VPS16: variants seen among roughly 807,000 people sequenced by gnomAD.
VPS16 encodes the protein VPS16 core subunit of CORVET and HOPS complexes, also known as vacuolar protein sorting-associated protein 16 homolog.
In VPS16, 82 loss-of-function variants were observed where a neutral mutation model predicts 116.0. That is an observed-to-expected ratio of 0.71 (90% CI 0.59 to 0.85). VPS16 has a LOEUF of 0.85. Among genes scored for constraint, VPS16 ranks in the 40% least tolerant of loss-of-function variants. VPS16 has a pLI of 0.00. For synonymous variants in VPS16, 406 were observed against 420.7 expected (o/e 0.96, Z 0.43); for missense variants, 928 against 1,090.6 (o/e 0.85, Z 2.10).
Position 2,862,599 on chromosome 20 carries a change from C to G in VPS16, c.1092C>G (p.Asp364Glu). The G allele has an allele frequency of 4.3e-6, 7 of 1,613,206 alleles. No individual in the cohort carries two copies. Among genetic ancestry groups the G allele is most frequent in the Non-Finnish European group, 5.1e-6 (6 of 1,179,748 alleles). The change falls in exon 12 of 24, where the codon GAC (aspartate) becomes GAG (glutamate). Residue 364 changes from aspartate (D) to glutamate (E), a missense_variant. Physicochemically the swap from Asp to Glu is conservative, Grantham distance 45. Transcript: ENST00000380445. ...KEYEKESQKADEYLREIQELG... is the reference protein window; with the variant it reads ...KEYEKESQKAEEYLREIQELG... ...ACCAGAAAGAGAGCCAGAAGGCGGA[C>G]GAGTACCTGCGGGAGATCCAGGAGC... is the stretch of plus-strand genomic sequence containing the variant.
rs1204565228 is a variant in VPS16 at position 2,860,397 on chromosome 20, G to A, written c.369+30G>A. 6.2e-7 allele frequency: 1 copy of A among 1,613,918 alleles called. No individual in the cohort carries two copies. Among genetic ancestry groups the A allele is most frequent in the Non-Finnish European group, 8.5e-7 (1 of 1,180,010 alleles). ...GGGTCACAGAGGGCTGGGGACGCGGGGTAGAGTTTATGACCCTGTGGCTCC... is the reference window on the plus strand; with the variant it reads ...GGGTCACAGAGGGCTGGGGACGCGGAGTAGAGTTTATGACCCTGTGGCTCC... On this transcript the variant is annotated intron_variant, in intron 4 of 23. Transcript: ENST00000380445. This position sits in a 1 kb window ranked among gnomAD's most constrained non-coding sequence, Gnocchi z 6.1.
chr20:2,865,442 T>G lies in VPS16; in HGVS notation c.2218T>G (p.Trp740Gly). The change falls in exon 22 of 24, where the codon TGG becomes GGG. Residue 740 changes from tryptophan to glycine, a missense_variant. By Grantham distance (184) the Trp-to-Gly change is radical. Transcript: ENST00000380445. The surrounding 1 kb of genome is among the most constrained non-coding windows in gnomAD (Gnocchi z 5.2). The stretch of plus-strand genomic sequence containing the variant: ...GACTGCCCTGGCAGATTTGGAAGAT[T>G]GGGAAGAGCTAGAGAAGTTTTCCAA... The part of the protein sequence containing the change: ...KLTALADLED[W>G]EELEKFSKSK... The G allele has an allele frequency of 1.2e-6, 2 of 1,614,126 alleles. No individual in the cohort carries two copies. Among genetic ancestry groups the G allele is most frequent in the South Asian group, 2.2e-5 (2 of 91,086 alleles).
rs144245136 is a variant in VPS16 at position 2,843,603 on chromosome 20, G to A, written c.53+2776G>A. The stretch of plus-strand genomic sequence containing the variant: ...TTTAGTATTTACACACCAGCTAGTT[G>A]ATACAACATTCACTTTTAAAATATC... On this transcript the variant is annotated intron_variant, in intron 1 of 23. Coordinates refer to ENST00000380445, the MANE Select transcript of VPS16 (RefSeq NM_022575.4). 1.6e-4 allele frequency among the ~76,000 whole-genome samples: 24 copies of A among 152,296 alleles called. 1 individual carries two copies. Among genetic ancestry groups the A allele is most frequent in the Admixed American group, 1.6e-3 (24 of 15,290 alleles).
chr20:2,841,687 T>C (rs912711414), intron 1 of VPS16, among the ~76,000 whole-genome samples: 4 of 152,122 alleles, frequency 2.6e-5, no homozygotes, highest in African/African-American at 9.7e-5. Flanking sequence ...GTCTTTTAGG[T>C]ATGGTCTATT....
At chr20:2,852,945 G>A (rs966572789) in intron 1 of VPS16, among the ~76,000 whole-genome samples, 4 of 152,198 alleles carry the variant, frequency 2.6e-5, no homozygotes, top group African/African-American at 7.2e-5. Context: ...AGCATGCAAT[G>A]CTGTCTGATA....
At chr20:2,845,394 T>C (rs1338651269) in intron 1 of VPS16, among the ~76,000 whole-genome samples, 1 of 152,118 alleles carries the variant, frequency 6.6e-6, no homozygotes, top group Non-Finnish European at 1.5e-5. Context: ...AAGAAGCATC[T>C]TATGGTAAAA....
At chr20:2,854,342 G>A (rs1275196274) in intron 1 of VPS16, among the ~76,000 whole-genome samples, 2 of 150,810 alleles carry the variant, frequency 1.3e-5, no homozygotes. Context: ...CATCACTTGA[G>A]TCCAGGAGTT....
At chr20:2,851,820 A>G (rs1032198946) in intron 1 of VPS16, among the ~76,000 whole-genome samples, 2 of 152,036 alleles carry the variant, frequency 1.3e-5, no homozygotes, top group African/African-American at 4.8e-5. Context: ...ATACAAAAAA[A>G]ATTAGCTGGG....
intron 11 of VPS16, 156 bp from the exon 12 acceptor site, chr20:2,862,423 C>T: frequency 2.1e-6 from 3 of 1,398,480 alleles, no homozygotes; most frequent in Non-Finnish European, 1.9e-6. Context: ...TGTCTGTGGG[C>T]ACCTCAGGTG....
chr20:2,856,779 C>A (rs1387727345), intron 1 of VPS16, among the ~76,000 whole-genome samples: 1 of 152,186 alleles, frequency 6.6e-6, no homozygotes, highest in Non-Finnish European at 1.5e-5. Context: ...ATTCTGAGAT[C>A]TTTTCCTAGA....
At chr20:2,849,077 G>A (rs2089090096) in intron 1 of VPS16, among the ~76,000 whole-genome samples, 1 of 152,092 alleles carries the variant, frequency 6.6e-6, no homozygotes, top group African/African-American at 2.4e-5. Flanking sequence ...CTCTGGTAAG[G>A]GAAGCTCAGA....
In VPS16 at chr20:2,862,724, G is replaced by C. The variant is rs761640628; in HGVS notation, c.1203+14G>C. On this transcript the variant is annotated intron_variant, in intron 12 of 23. Coordinates refer to ENST00000380445, the MANE Select transcript of VPS16 (RefSeq NM_022575.4). ...AGTCTGCTCAGGGTTGGCCTGGATG[G>C]CCGGGCCGGGGAGGGTGGGGCTGGG... 4 of 1,607,008 alleles carry C rather than the reference G, an allele frequency of 2.5e-6. No homozygotes were observed. Among genetic ancestry groups the C allele is most frequent in the East Asian group, 2.2e-5 (1 of 44,576 alleles).
chr20:2,860,336 G>A lies in VPS16; in HGVS notation c.338G>A (p.Gly113Asp), dbSNP rs2089213396. The change falls in exon 4 of 24, where the codon GGT becomes GAT. Residue 113 changes from glycine (G) to aspartate (D), a missense_variant. Gly to Asp is a moderately conservative substitution (Grantham distance 94). Transcript: ENST00000380445. This position sits in a 1 kb window ranked among gnomAD's most constrained non-coding sequence, Gnocchi z 6.1. The part of the protein sequence containing the change: ...DGAVLVYGLH[G>D]DFRRHFSMGN... ...GCTGTACTGGTTTATGGGCTTCATG[G>A]TGACTTCCGGAGACACTTCAGCATG... 1.2e-6 allele frequency: 2 copies of A among 1,613,988 alleles called. No individual in the cohort carries two copies. Among genetic ancestry groups the A allele is most frequent in the African/African-American group, 1.3e-5 (1 of 74,886 alleles).
intron 1 of VPS16, among the ~76,000 whole-genome samples, chr20:2,857,868 G>A (rs554658691): frequency 2.6e-4 from 40 of 151,126 alleles, no homozygotes; most frequent in African/African-American, 9.5e-4. Context: ...CCACCACCAC[G>A]CCTGGCTAAT....
At chr20:2,852,988 G>T (rs6138914) in intron 1 of VPS16, among the ~76,000 whole-genome samples, 5,937 of 152,250 alleles carry the variant, frequency 0.039, 227 homozygotes, top group Admixed American at 0.1. Flanking sequence ...TTCAAAATTG[G>T]AGTTAATCCT....
At chr20:2,848,605 G>C (rs1290287521) in intron 1 of VPS16, among the ~76,000 whole-genome samples, 1 of 152,212 alleles carries the variant, frequency 6.6e-6, no homozygotes, top group African/African-American at 2.4e-5. Context: ...CTATAACCAA[G>C]TTGTCAGTAA....
rs2089332056 is a variant in VPS16 at position 2,865,882 on chromosome 20, G to A, written c.2272-330G>A. 1 of 469,318 alleles carries A rather than the reference G, an allele frequency of 2.1e-6. No homozygotes were observed. The highest frequency in any genetic ancestry group is 2.3e-5 in the South Asian group (1 of 43,820). The allele number at this position is 469,318 out of a possible 1,614,324, so 29.1% of individuals were successfully genotyped here. On this transcript the variant is annotated intron_variant, in intron 22 of 23. Coordinates refer to ENST00000380445, the MANE Select transcript of VPS16 (RefSeq NM_022575.4). This position sits in a 1 kb window ranked among gnomAD's most constrained non-coding sequence, Gnocchi z 5.2. ...GGTAGTTCAGAGGTGTATAGGGCAG[G>A]TTTGAGAATGTCAATCACAAGAGAA...
At position 2,864,608 on chromosome 20, in the gene VPS16, A is replaced by G. The variant is rs373653148; in HGVS notation, c.1880A>G (p.Gln627Arg). ...CTTTACAATCAGGATGACAATCACC[A>G]GGAATTGGGCAGCTTCCACATCCGA... ...KDLYNQDDNH[Q>R]ELGSFHIRAS... Residue 627 changes from glutamine to arginine, a missense_variant, in exon 19 of 24, where the codon CAG (glutamine) becomes CGG (arginine). By Grantham distance (43) the Gln-to-Arg change is conservative. Transcript: ENST00000380445. This position sits in a 1 kb window ranked among gnomAD's most constrained non-coding sequence, Gnocchi z 5.2. 3.1e-6 allele frequency: 5 copies of G among 1,614,040 alleles called. No homozygotes were observed. The highest frequency in any genetic ancestry group is 2.7e-5 in the African/African-American group (2 of 74,908).
intron 11 of VPS16, 107 bp from the exon 12 acceptor site, chr20:2,862,472 C>G: frequency 1.3e-6 from 2 of 1,524,308 alleles, no homozygotes; most frequent in Non-Finnish European, 1.8e-6. Flanking sequence ...CCAGCCTGTG[C>G]AGCTCCTCCA....
Sources: allele counts gnomAD v4.1 joint callset (sites outside exome capture counted in the v4.1 genomes callset), GRCh38; gene constraint gnomAD v4.1.1; non-coding constraint Gnocchi (gnomAD v3.1); transcripts MANE v1.5; gene names NCBI Gene and HGNC (gene_info 2026-07-23, HGNC 2026-07-21).